The following PRKG1 variants were observed in gnomAD, a reference collection of about 807,000 sequenced individuals.
The protein encoded by PRKG1 is cGMP-dependent protein kinase 1.
A neutral mutation model predicts 88.1 loss-of-function variants in PRKG1; 35 were observed. The observed-to-expected ratio is 0.40, with a 90% CI of 0.30 to 0.53. PRKG1 has a LOEUF of 0.53. Ranked by LOEUF, PRKG1 falls within the 20% of genes least tolerant of loss-of-function variation. PRKG1 has a pLI of 0.59. For missense variants in PRKG1, 540 were observed against 839.8 expected, an observed-to-expected ratio of 0.64 and a Z score of 4.41; for synonymous variants, 303 against 292.5, an observed-to-expected ratio of 1.04 and a Z score of -0.37.
intron 3 of PRKG1, among the ~76,000 whole-genome samples, chr10:51,740,506 G>A (rs914361426): frequency 6.6e-6 from 1 of 151,948 alleles, no homozygotes; most frequent in Non-Finnish European, 1.5e-5. Flanking sequence ...TTTATGCTTT[G>A]CAAATCACTT....
intron 2 of PRKG1, among the ~76,000 whole-genome samples, chr10:51,334,111 G>A (rs889423053): frequency 4.0e-5 from 6 of 151,340 alleles, no homozygotes; most frequent in Non-Finnish European, 7.4e-5. Context: ...TTATTGGCTT[G>A]TAATAGGAGT....
intron 1 of PRKG1, among the ~76,000 whole-genome samples, chr10:51,109,131 C>T (rs1844918160): frequency 6.6e-6 from 1 of 152,006 alleles, no homozygotes; most frequent in Admixed American, 6.6e-5. Context: ...ATGTGCCATT[C>T]ATAGTATTGT....
In PRKG1 at chr10:51,866,104, C is replaced by T. The variant is rs529238185; in HGVS notation, c.699-41403C>T. Reference sequence around the variant, plus strand: ...AGGATTTAAGTAAAATAATTGTTGACTGATATGTTGTATTCATATGAAAAC... The same window carrying T: ...AGGATTTAAGTAAAATAATTGTTGATTGATATGTTGTATTCATATGAAAAC... On this transcript the variant is annotated intron_variant, in intron 4 of 17. Transcript: ENST00000373980. 8.6e-5 allele frequency among the ~76,000 whole-genome samples: 13 copies of T among 151,976 alleles called. No individual in the cohort carries two copies. In the South Asian group the frequency reaches 2.5e-3, roughly 29 times the overall value.
chr10:51,803,807 T>C lies in PRKG1; in HGVS notation c.593-778T>C, dbSNP rs191539796. Among the ~76,000 whole-genome samples, 6 of 152,264 alleles carry C rather than the reference T, an allele frequency of 3.9e-5. No individual in the cohort carries two copies. The East Asian group carries it at 1.2e-3, about 29-fold the overall frequency. ...AAAAGTAAAGAGAATAAGAAATCTC[T>C]CATATGCCATCACACCAATGTAATA... On this transcript the variant is annotated intron_variant, in intron 3 of 17. Coordinates refer to ENST00000373980, the MANE Select transcript of PRKG1 (RefSeq NM_006258.4).
rs571730807 is a variant in PRKG1 at position 51,066,630 on chromosome 10, T to G, written c.266+74986T>G. ...CTGAAAGTATTAGAAGAAGGAAGGT[T>G]TAGTTGTTAAACAATGTATATATTT... On this transcript the variant is annotated intron_variant, in intron 1 of 17. Transcript: ENST00000401604. Among the ~76,000 whole-genome samples, 19 of 152,256 alleles carry G rather than the reference T, an allele frequency of 1.2e-4. 1 individual carries two copies. The highest frequency in any genetic ancestry group is 8.8e-5 in the Non-Finnish European group (6 of 67,962).
rs374822257 is a variant in PRKG1, at chr10:51,497,629, T to G, written c.592+29793T>G. On this transcript the variant is annotated intron_variant, in intron 3 of 17. Transcript: ENST00000373980. ...TCTGATGGATGTGTCTGTGTTGATA[T>G]TTCTGACAAAGAGCAAATAGGAGCA... Among the ~76,000 whole-genome samples the G allele has an allele frequency of 1.9e-4, 29 of 152,338 alleles. No homozygotes were observed. In the East Asian group the frequency reaches 4.8e-3, roughly 25 times the overall value.
At chr10:51,326,604 G>A (rs894518919) in intron 2 of PRKG1, among the ~76,000 whole-genome samples, 2 of 152,120 alleles carry the variant, frequency 1.3e-5, no homozygotes, top group Non-Finnish European at 2.9e-5. Context: ...TTAAAAAATA[G>A]CTAATTTTCT....
At chr10:52,028,461 A>T (rs928748525) in intron 5 of PRKG1, among the ~76,000 whole-genome samples, 6 of 152,208 alleles carry the variant, frequency 3.9e-5, no homozygotes, top group African/African-American at 1.4e-4. Context: ...CTCTGGAGAT[A>T]TACTATTTCT....
At chr10:51,022,306 G>A (rs1005595838) in intron 1 of PRKG1, among the ~76,000 whole-genome samples, 1 of 152,170 alleles carries the variant, frequency 6.6e-6, no homozygotes, top group Non-Finnish European at 1.5e-5. Context: ...TATAGCATAG[G>A]AGTGTTTGGT....
chr10:52,120,005 CAGAG>C (rs765397932), intron 7 of PRKG1, among the ~76,000 whole-genome samples: 37 of 137,640 alleles, frequency 2.7e-4, no homozygotes, highest in Non-Finnish European at 4.5e-4. Context: ...GAGAGAGAGA[CAGAG>C]AGAGAGAGAC....
chr10:51,132,999 G>T (rs1440661042), intron 1 of PRKG1, among the ~76,000 whole-genome samples: 2 of 152,038 alleles, frequency 1.3e-5, no homozygotes, highest in Non-Finnish European at 2.9e-5. Context: ...TCTCTGGGTT[G>T]GAGGCTTGGT....
At chr10:51,057,640 T>C (rs972009217) in intron 1 of PRKG1, among the ~76,000 whole-genome samples, 2 of 152,186 alleles carry the variant, frequency 1.3e-5, no homozygotes, top group Non-Finnish European at 2.9e-5. Flanking sequence ...TATTCATTTA[T>C]GTCTGGTGTA....
At chr10:52,180,812 A>T (rs1483033171) in intron 9 of PRKG1, among the ~76,000 whole-genome samples, 1 of 151,800 alleles carries the variant, frequency 6.6e-6, no homozygotes. Flanking sequence ...AGGGATTTGG[A>T]CCATGGGGCT....
At chr10:51,779,911 T>C (rs905676135) in intron 3 of PRKG1, among the ~76,000 whole-genome samples, 7 of 152,150 alleles carry the variant, frequency 4.6e-5, no homozygotes, top group Non-Finnish European at 8.8e-5. Flanking sequence ...TGAGCTGAAT[T>C]GCCTGGGGAA....
At chr10:51,496,065 G>A (rs992375578) in intron 3 of PRKG1, among the ~76,000 whole-genome samples, 1 of 152,032 alleles carries the variant, frequency 6.6e-6, no homozygotes, top group Admixed American at 6.6e-5. Flanking sequence ...GTAAGCTCTG[G>A]TACATTACTC....
At chr10:51,801,243 T>C (rs577858521) in intron 3 of PRKG1, among the ~76,000 whole-genome samples, 2 of 152,274 alleles carry the variant, frequency 1.3e-5, no homozygotes, top group East Asian at 3.9e-4. Flanking sequence ...AGAGACAATA[T>C]GTAAATGAAT....
At chr10:51,500,606 G>T (rs570205844) in intron 3 of PRKG1, among the ~76,000 whole-genome samples, 34 of 152,268 alleles carry the variant, frequency 2.2e-4, no homozygotes, top group African/African-American at 8.2e-4. Context: ...ATTATATAGA[G>T]CCTGGTTATC....
chr10:52,189,802 G>C (rs1160444262), intron 9 of PRKG1, among the ~76,000 whole-genome samples: 1 of 152,196 alleles, frequency 6.6e-6, no homozygotes, highest in Non-Finnish European at 1.5e-5. Flanking sequence ...TACTGATCAG[G>C]TTGTAATATT....
chr10:51,036,326 A>G (rs1166563591), intron 1 of PRKG1, among the ~76,000 whole-genome samples: 1 of 152,214 alleles, frequency 6.6e-6, no homozygotes, highest in Non-Finnish European at 1.5e-5. Flanking sequence ...TGTTGAACAG[A>G]TGAATGACAG....
Sources: gnomAD v4.1 joint callset for allele counts (sites outside exome capture counted in the v4.1 genomes callset) on GRCh38, gnomAD v4.1.1 for gene constraint, MANE v1.5 for transcripts, NCBI Gene and HGNC (gene_info 2026-07-23, HGNC 2026-07-21) for gene names.